The following SH3GL3 variants were observed in gnomAD, a reference collection of about 807,000 sequenced individuals.
SH3GL3 encodes the protein endophilin-A3.
In SH3GL3, 33 loss-of-function variants were observed where a neutral mutation model predicts 47.7. The ratio of observed to expected loss-of-function variants is 0.69; its 90% CI spans 0.52 to 0.92. SH3GL3 has a LOEUF of 0.92. Ranked by LOEUF, SH3GL3 falls within the 40% of genes least tolerant of loss-of-function variation. The pLI is 0.00. For synonymous variants in SH3GL3, 155 were observed against 148.8 expected (o/e 1.04, Z -0.30); for missense variants, 363 against 417.8 (o/e 0.87, Z 1.14).
intron 8 of SH3GL3, among the ~76,000 whole-genome samples, chr15:83,612,549 A>C (rs1189605377): frequency 6.6e-6 from 1 of 152,208 alleles, no homozygotes; most frequent in Admixed American, 6.5e-5. Flanking sequence ...TAGTGACACC[A>C]CATGGTTTCC....
chr15:83,480,511 T>C (rs973025870), intron 1 of SH3GL3, among the ~76,000 whole-genome samples: 1 of 152,200 alleles, frequency 6.6e-6, no homozygotes, highest in Non-Finnish European at 1.5e-5. Context: ...CTGGGAGGAT[T>C]GCAAGGCTCG....
At chr15:83,477,041 A>G (rs1367518765) in intron 1 of SH3GL3, among the ~76,000 whole-genome samples, 1 of 152,208 alleles carries the variant, frequency 6.6e-6, no homozygotes, top group African/African-American at 2.4e-5. Context: ...TACAAGTACC[A>G]AAAAGTCACC....
intron 1 of SH3GL3, among the ~76,000 whole-genome samples, chr15:83,538,356 T>C (rs1246700170): frequency 1.3e-5 from 2 of 152,178 alleles, no homozygotes; most frequent in Admixed American, 1.3e-4. Context: ...GAAGGGGTAG[T>C]TTAATATTTT....
chr15:83,596,009 G>A (rs981995397), intron 8 of SH3GL3, among the ~76,000 whole-genome samples: 2 of 152,088 alleles, frequency 1.3e-5, no homozygotes, highest in Non-Finnish European at 2.9e-5. Flanking sequence ...TGTGTTTAGC[G>A]CTATCAATTT....
rs1488301884 is a variant in SH3GL3, at chr15:83,530,414, C to A, written c.46-28839C>A. On this transcript the variant is annotated intron_variant, in intron 1 of 8. Transcript: ENST00000427482. ...AGGCTTCTAGCTGATGCCAGCTGAACTGGCCGCCTTGCTTTCCCTTACTTT... is the reference window on the plus strand; with the variant it reads ...AGGCTTCTAGCTGATGCCAGCTGAAATGGCCGCCTTGCTTTCCCTTACTTT... Among the ~76,000 whole-genome samples, 4 of 152,208 alleles carry A rather than the reference C, an allele frequency of 2.6e-5. No individual in the cohort carries two copies. The East Asian group carries it at 7.7e-4, about 29-fold the overall frequency.
chr15:83,562,755 CTTT>C (rs1195980740), intron 2 of SH3GL3, among the ~76,000 whole-genome samples: 7 of 152,176 alleles, frequency 4.6e-5, no homozygotes, highest in Admixed American at 4.6e-4. Flanking sequence ...CTCCCTCAAA[CTTT>C]ACATAAAATC....
chr15:83,468,109 C>CATGA (rs541980076), intron 1 of SH3GL3, among the ~76,000 whole-genome samples: 1 of 152,240 alleles, frequency 6.6e-6, no homozygotes, highest in Non-Finnish European at 1.5e-5. Context: ...GGATTACAGG[C>CATGA]ATGAGCCACT....
rs11389151 is a variant in SH3GL3, at chr15:83,450,790, C to CTT, written c.45+3223_45+3224dup. 4.0e-3 allele frequency among the ~76,000 whole-genome samples: 179 copies of CTT among 45,280 alleles called. 1 individual carries two copies. Among genetic ancestry groups the CTT allele is most frequent in the South Asian group, 0.026 (25 of 954 alleles). 29.7% of individuals were successfully genotyped at this position (45,280 alleles called of 152,430 possible). On this transcript the variant is annotated intron_variant, in intron 1 of 8. Coordinates refer to ENST00000427482, the MANE Select transcript of SH3GL3 (RefSeq NM_003027.5). The stretch of plus-strand genomic sequence containing the variant: ...TTTTTTTTTTAAGGTTATAGATTTT[C>CTT]TTTTTTTTTTTTAATTTTTTTTTTT...
At chr15:83,625,330 C>T in the SH3GL3 span, among the ~76,000 whole-genome samples, 1 of 152,230 alleles carries the variant, frequency 6.6e-6, no homozygotes, top group South Asian at 2.1e-4. Flanking sequence ...GCTCTGAAGG[C>T]CGTGCTATTT....
rs568228086 is a variant in SH3GL3 at position 83,457,245 on chromosome 15, T to G, written c.45+9667T>G. Among the ~76,000 whole-genome samples the G allele has an allele frequency of 3.3e-5, 5 of 152,318 alleles. No individual in the cohort carries two copies. The South Asian group carries it at 1.0e-3, about 32-fold the overall frequency. On this transcript the variant is annotated intron_variant, in intron 1 of 8. Coordinates refer to ENST00000427482, the MANE Select transcript of SH3GL3 (RefSeq NM_003027.5). Reference sequence around the variant, plus strand: ...AAAGTCCAGGGACCAGTTTCATCTCTTCTCCTCCTCTCCTTCTCTCCCAAG... The same window carrying G: ...AAAGTCCAGGGACCAGTTTCATCTCGTCTCCTCCTCTCCTTCTCTCCCAAG...
intron 1 of SH3GL3, among the ~76,000 whole-genome samples, chr15:83,471,914 G>A (rs1361300602): frequency 2.0e-5 from 3 of 151,512 alleles, no homozygotes; most frequent in Non-Finnish European, 4.4e-5. Context: ...ACAGAGTCTC[G>A]CTCTTGTCAC....
At chr15:83,622,217 A>G (rs896787169), downstream of SH3GL3, among the ~76,000 whole-genome samples, 3 of 152,222 alleles carry the variant, frequency 2.0e-5, no homozygotes, top group African/African-American at 2.4e-5. Flanking sequence ...GTCCACAGTC[A>G]TACAGTTAAT....
At chr15:83,519,405 G>A (rs866456676) in intron 1 of SH3GL3, among the ~76,000 whole-genome samples, 8 of 152,076 alleles carry the variant, frequency 5.3e-5, no homozygotes, top group African/African-American at 1.9e-4. Context: ...AGATGCATTC[G>A]TAGGTAATTT....
intron 8 of SH3GL3, among the ~76,000 whole-genome samples, chr15:83,596,910 CCT>C (rs1461019039): frequency 6.6e-6 from 1 of 151,972 alleles, no homozygotes; most frequent in Admixed American, 6.6e-5. Context: ...GCTCTCTGTA[CCT>C]CTGTTTTTTT....
At chr15:83,489,461 C>A (rs553784673) in intron 1 of SH3GL3, 1 of 152,332 alleles carries the variant, frequency 6.6e-6, no homozygotes, top group East Asian at 1.9e-4. Flanking sequence ...TAACGACTCT[C>A]CCTAACCACC....
chr15:83,462,769 A>T (rs2040365153), intron 1 of SH3GL3, among the ~76,000 whole-genome samples: 1 of 152,246 alleles, frequency 6.6e-6, no homozygotes, highest in South Asian at 2.1e-4. Flanking sequence ...TGGAACAGAC[A>T]AAAATCAAAC....
At chr15:83,479,289 A>G (rs1315194519) in intron 1 of SH3GL3, among the ~76,000 whole-genome samples, 1 of 152,010 alleles carries the variant, frequency 6.6e-6, no homozygotes, top group African/African-American at 2.4e-5. Context: ...TTGGCACTCC[A>G]CTGTAAGCAG....
intron 2 of SH3GL3, among the ~76,000 whole-genome samples, chr15:83,562,079 ACACT>A (rs1386822287): frequency 7.8e-6 from 1 of 128,064 alleles, no homozygotes; most frequent in Non-Finnish European, 1.8e-5. Context: ...ACACACACAC[ACACT>A]ATAGTGTCCC....
At chr15:83,579,309 C>T (rs956670917) in intron 6 of SH3GL3, among the ~76,000 whole-genome samples, 1 of 152,180 alleles carries the variant, frequency 6.6e-6, no homozygotes, top group East Asian at 1.9e-4. Context: ...GGGAAATTGA[C>T]CTGCAGGTGA....
Sources: gnomAD v4.1 joint callset for allele counts (sites outside exome capture counted in the v4.1 genomes callset) on GRCh38, gnomAD v4.1.1 for gene constraint, MANE v1.5 for transcripts, NCBI Gene and HGNC (gene_info 2026-07-23, HGNC 2026-07-21) for gene names.